The following PPM1L variants were observed in gnomAD, a reference collection of about 807,000 sequenced individuals.
PPM1L encodes protein phosphatase, Mg2+/Mn2+ dependent 1L, also known as protein phosphatase 1L.
A neutral mutation model predicts 31.4 loss-of-function variants in PPM1L; 13 were observed. The observed-to-expected ratio is 0.41, with a 90% CI of 0.27 to 0.66. The LOEUF is 0.66. Ranked by LOEUF, PPM1L falls within the 30% of genes least tolerant of loss-of-function variation. The pLI, the probability that PPM1L is intolerant of heterozygous loss-of-function variation, is 0.29. For synonymous variants in PPM1L, 184 were observed against 175.4 expected (o/e 1.05, Z -0.39); for missense variants, 326 against 453.7 (o/e 0.72, Z 2.56).
At chr3:160,936,191 G>A (rs188960336) in intron 1 of PPM1L, among the ~76,000 whole-genome samples, 62 of 152,260 alleles carry the variant, frequency 4.1e-4, no homozygotes, top group Non-Finnish European at 3.7e-4. Flanking sequence ...CCAGGTTCAA[G>A]CGATTCTCCT....
At chr3:161,039,705 T>C (rs548646424) in intron 2 of PPM1L, among the ~76,000 whole-genome samples, 13 of 152,204 alleles carry the variant, frequency 8.5e-5, no homozygotes, top group African/African-American at 2.4e-4. Flanking sequence ...GTATTTTTAA[T>C]AGAGACGGGT....
At chr3:161,022,657 CTTTTTTTTTTTTT>C (rs71147399) in intron 2 of PPM1L, among the ~76,000 whole-genome samples, 1 of 93,716 alleles carries the variant, frequency 1.1e-5, no homozygotes, top group African/African-American at 4.8e-5. Flanking sequence ...ATTTCTCCTT[CTTTTTTTTTTTTT>C]TTTTTTTTTT....
intron 2 of PPM1L, among the ~76,000 whole-genome samples, chr3:160,981,819 A>G (rs1716811569): frequency 1.3e-5 from 2 of 151,486 alleles, no homozygotes; most frequent in African/African-American, 2.4e-5. Context: ...CTGGAGTACA[A>G]TGGCAGGATC....
At chr3:160,767,874 C>A (rs1359509753) in intron 1 of PPM1L, among the ~76,000 whole-genome samples, 1 of 152,156 alleles carries the variant, frequency 6.6e-6, no homozygotes, top group Non-Finnish European at 1.5e-5. Context: ...TCTTTTTAAT[C>A]TAGTAAGTGC....
chr3:160,908,786 C>G (rs922859233), intron 1 of PPM1L, among the ~76,000 whole-genome samples: 1 of 152,092 alleles, frequency 6.6e-6, no homozygotes, highest in African/African-American at 2.4e-5. Context: ...CTTACAGGGA[C>G]AGGTAATAGT....
intron 1 of PPM1L, among the ~76,000 whole-genome samples, chr3:160,859,120 A>G (rs1711812163): frequency 1.3e-5 from 2 of 152,156 alleles, no homozygotes; most frequent in Admixed American, 1.3e-4. Flanking sequence ...AGTAGAATGG[A>G]AAGGTGGAAT....
At chr3:160,981,732 T>TTTTTTTTA (rs772049978) in intron 2 of PPM1L, among the ~76,000 whole-genome samples, 10 of 139,854 alleles carry the variant, frequency 7.2e-5, no homozygotes, top group Non-Finnish European at 1.4e-4. Flanking sequence ...TTCCTTCTCA[T>TTTTTTTTA]TTTATTTATT....
intron 2 of PPM1L, among the ~76,000 whole-genome samples, chr3:161,029,640 C>T (rs1718503950): frequency 6.6e-6 from 1 of 152,112 alleles, no homozygotes; most frequent in Admixed American, 6.5e-5. Flanking sequence ...AAACCTTAAT[C>T]TATTTCCATT....
intron 1 of PPM1L, among the ~76,000 whole-genome samples, chr3:160,801,317 C>T (rs544707766): frequency 2.6e-5 from 4 of 152,220 alleles, no homozygotes; most frequent in East Asian, 1.9e-4. Context: ...TTCCTGAATA[C>T]GAACATAAAA....
chr3:160,963,442 G>T (rs1716031273), intron 2 of PPM1L, among the ~76,000 whole-genome samples: 2 of 152,036 alleles, frequency 1.3e-5, no homozygotes, highest in East Asian at 3.8e-4. Flanking sequence ...AGAAAGTCTT[G>T]CTGGAGGACT....
rs1012536570 is a variant in PPM1L at position 161,070,941 on chromosome 3, A to G, written c.*1784A>G. The G allele has an allele frequency of 8.5e-5, 13 of 152,208 alleles. No homozygotes were observed. Among genetic ancestry groups the G allele is most frequent in the African/African-American group, 2.9e-4 (12 of 41,452 alleles). 9.4% of individuals were successfully genotyped at this position (152,208 alleles called of 1,614,324 possible). A position where few individuals can be genotyped will look rare whatever the true frequency, so the allele number is the denominator to read the frequency against. ...TAATGATTTCCCATGAGATTTGCTTACTTTTGTATACTGTATTTTCCAGCA... is the reference window on the plus strand; with the variant it reads ...TAATGATTTCCCATGAGATTTGCTTGCTTTTGTATACTGTATTTTCCAGCA... On this transcript the variant is annotated 3_prime_UTR_variant, in exon 4 of 4. Transcript: ENST00000498165.
chr3:160,800,634 T>C (rs1172054265), intron 1 of PPM1L, among the ~76,000 whole-genome samples: 1 of 152,216 alleles, frequency 6.6e-6, no homozygotes, highest in African/African-American at 2.4e-5. Flanking sequence ...GTGGTCATTT[T>C]TATTTTAACA....
chr3:160,980,114 C>T (rs905999753), intron 2 of PPM1L, among the ~76,000 whole-genome samples: 4 of 152,018 alleles, frequency 2.6e-5, no homozygotes, highest in Non-Finnish European at 4.4e-5. Flanking sequence ...CAGGATTCAT[C>T]GGTAGCATGC....
chr3:160,838,557 G>A lies in PPM1L; in HGVS notation c.399+81850G>A, dbSNP rs192201134. Among the ~76,000 whole-genome samples, 1,161 of 151,954 alleles carry A rather than the reference G, an allele frequency of 7.6e-3. 4 individuals carry two copies. Among genetic ancestry groups the A allele is most frequent in the Middle Eastern group, 0.031 (9 of 294 alleles). On this transcript the variant is annotated intron_variant, in intron 1 of 3. Transcript: ENST00000498165. ...GAAGTAGCTGGAAATCTGGATTTTT[G>A]ACTGTAATATTTTTCAATTAAAGAA... is the stretch of plus-strand genomic sequence containing the variant.
At chr3:161,007,612 C>T (rs944575789) in intron 2 of PPM1L, among the ~76,000 whole-genome samples, 15 of 152,138 alleles carry the variant, frequency 9.9e-5, no homozygotes, top group African/African-American at 3.1e-4. Context: ...AACACAAATT[C>T]GTAAACTTTC....
intron 1 of PPM1L, among the ~76,000 whole-genome samples, chr3:160,913,487 A>G (rs1560148986): frequency 6.6e-6 from 1 of 152,178 alleles, no homozygotes; most frequent in Non-Finnish European, 1.5e-5. Flanking sequence ...TAGCTGTATA[A>G]ATACCACCAC....
intron 2 of PPM1L, among the ~76,000 whole-genome samples, chr3:161,045,247 G>T (rs1051808679): frequency 1.1e-4 from 17 of 152,162 alleles, no homozygotes; most frequent in Non-Finnish European, 2.1e-4. Flanking sequence ...TCCAGGAATT[G>T]AACTCAGCTC....
intron 1 of PPM1L, among the ~76,000 whole-genome samples, chr3:160,771,592 T>C (rs1434160934): frequency 6.7e-6 from 1 of 149,038 alleles, no homozygotes; most frequent in African/African-American, 2.5e-5. Flanking sequence ...ATTAAATATT[T>C]CTGTGTGTGA....
At chr3:160,953,266 A>C (rs919141032) in intron 1 of PPM1L, among the ~76,000 whole-genome samples, 2 of 152,164 alleles carry the variant, frequency 1.3e-5, no homozygotes, top group East Asian at 1.9e-4. Flanking sequence ...TTTCTTTTTG[A>C]TTATCATTAC....
Sources: gnomAD v4.1 joint callset for allele counts (sites outside exome capture counted in the v4.1 genomes callset) on GRCh38, gnomAD v4.1.1 for gene constraint, MANE v1.5 for transcripts, NCBI Gene and HGNC (gene_info 2026-07-23, HGNC 2026-07-21) for gene names.